NUP93: variants seen among roughly 807,000 people sequenced by gnomAD.
The protein encoded by NUP93 is nucleoporin 93.
In NUP93, 55 loss-of-function variants were observed where a neutral mutation model predicts 107.8. That is an observed-to-expected ratio of 0.51 (90% CI 0.41 to 0.64). NUP93 has a LOEUF of 0.64. Ranked by LOEUF, NUP93 falls within the 30% of genes least tolerant of loss-of-function variation. The pLI is 0.00. For missense variants in NUP93, 937 were observed against 1,044.7 expected (o/e 0.90, Z 1.42); for synonymous variants, 390 against 397.5 (o/e 0.98, Z 0.22).
intron 4 of NUP93, 43 bp from the exon 5 acceptor site, chr16:56,805,461 G>GT (rs746741546): frequency 6.9e-6 from 11 of 1,596,504 alleles, no homozygotes; most frequent in Non-Finnish European, 7.7e-6. Context: ...TGTTTTTTTT[G>GT]TTTTTTTCCT....
In NUP93 at chr16:56,833,517, A is replaced by T. The variant is rs1963845246; in HGVS notation, c.1537+111A>T. 4 of 821,386 alleles carry T rather than the reference A, an allele frequency of 4.9e-6. No homozygotes were observed. In the African/African-American group the frequency reaches 5.4e-5, roughly 11 times the overall value. The allele number at this position is 821,386 out of a possible 1,614,324, so 50.9% of individuals were successfully genotyped here. Reference sequence around the variant, plus strand: ...AGGATTTGAGCAAAGGGTACCAGTCATTTTAGAGCATGTGGACAGTTGAGC... The same window carrying T: ...AGGATTTGAGCAAAGGGTACCAGTCTTTTTAGAGCATGTGGACAGTTGAGC... On this transcript the variant is annotated intron_variant, in intron 13 of 21. Coordinates refer to ENST00000308159, the MANE Select transcript of NUP93 (RefSeq NM_014669.5).
chr16:56,785,057 T>C (rs185365349), intron 3 of NUP93, among the ~76,000 whole-genome samples: 15 of 152,340 alleles, frequency 9.8e-5, no homozygotes, highest in African/African-American at 3.4e-4. Flanking sequence ...GGGGACAGCA[T>C]TTAACATGTT....
At chr16:56,836,508 A>T in intron 16 of NUP93, 93 bp from the exon 17 acceptor site, 1 of 749,128 alleles carries the variant, frequency 1.3e-6, no homozygotes, top group Admixed American at 2.2e-5. Context: ...CACTTGAAGT[A>T]TTTTTTGGAT....
chr16:56,741,662 T>G (rs1420626371), intron 1 of NUP93: 2 of 152,236 alleles, frequency 1.3e-5, no homozygotes, highest in Non-Finnish European at 2.9e-5. Flanking sequence ...CATTGTCAGT[T>G]GTACATTTGG....
At chr16:56,792,359 A>C (rs1962785405) in intron 3 of NUP93, among the ~76,000 whole-genome samples, 1 of 152,232 alleles carries the variant, frequency 6.6e-6, no homozygotes, top group South Asian at 2.1e-4. Context: ...CAAACATAAA[A>C]TATCAGTTTA....
chr16:56,808,013 C>G (rs1963181755), intron 5 of NUP93, among the ~76,000 whole-genome samples: 1 of 146,002 alleles, frequency 6.8e-6, no homozygotes, highest in Non-Finnish European at 1.5e-5. Context: ...CAAAAGGCAA[C>G]TCCGTCTCAA....
intron 2 of NUP93, among the ~76,000 whole-genome samples, chr16:56,755,264 A>G (rs1245205600): frequency 6.6e-6 from 1 of 152,264 alleles, no homozygotes; most frequent in African/African-American, 2.4e-5. Flanking sequence ...ATGTCCATGC[A>G]GTGGAATACT....
intron 13 of NUP93, among the ~76,000 whole-genome samples, chr16:56,833,772 G>T (rs1394572091): frequency 1.3e-5 from 2 of 152,110 alleles, no homozygotes; most frequent in Non-Finnish European, 2.9e-5. Flanking sequence ...ACCTGCCTGG[G>T]ATGAGAGAGT....
intron 3 of NUP93, among the ~76,000 whole-genome samples, chr16:56,768,304 C>T (rs1252855750): frequency 6.6e-6 from 1 of 152,222 alleles, no homozygotes; most frequent in Non-Finnish European, 1.5e-5. Flanking sequence ...TGGCTCACGC[C>T]TGTAATCCCA....
At chr16:56,839,117 GA>G in intron 19 of NUP93, 48 bp downstream of exon 19, 3 of 1,300,484 alleles carry the variant, frequency 2.3e-6, no homozygotes, top group Non-Finnish European at 3.3e-6. Context: ...GTACACCCTC[GA>G]AAATTCAAAA....
chr16:56,747,592 G>A (rs1961841963), intron 1 of NUP93, among the ~76,000 whole-genome samples: 3 of 152,118 alleles, frequency 2.0e-5, no homozygotes, highest in Admixed American at 2.0e-4. Flanking sequence ...GTTAGTGAAG[G>A]AGCAGGTGTG....
chr16:56,738,225 C>G (rs191053549), intron 1 of NUP93, among the ~76,000 whole-genome samples: 136 of 152,348 alleles, frequency 8.9e-4, no homozygotes, highest in Admixed American at 1.6e-3. Flanking sequence ...AGAGGGCTGG[C>G]GTGGGATGGA....
chr16:56,829,303 C>T lies in NUP93; in HGVS notation c.927+194C>T, dbSNP rs76940876. Among the ~76,000 whole-genome samples the T allele has an allele frequency of 0.11, 16,616 of 152,148 alleles. 1,117 individuals are homozygous for T. Among genetic ancestry groups the T allele is most frequent in the Middle Eastern group, 0.24 (70 of 292 alleles). On this transcript the variant is annotated intron_variant, in intron 9 of 21. Transcript: ENST00000308159. ...GTCCAGGTGATGGTGGACTCAGCTCCGGGTGGAGAAGAGTGCATGGAGAAG... is the reference window on the plus strand; with the variant it reads ...GTCCAGGTGATGGTGGACTCAGCTCTGGGTGGAGAAGAGTGCATGGAGAAG...
chr16:56,777,042 G>A (rs541288572), intron 3 of NUP93, among the ~76,000 whole-genome samples: 4 of 151,732 alleles, frequency 2.6e-5, no homozygotes, highest in East Asian at 1.9e-4. Context: ...GTGCACGCAC[G>A]TGTGTGTGTG....
intron 3 of NUP93, among the ~76,000 whole-genome samples, chr16:56,764,133 T>C (rs1314773723): frequency 6.6e-6 from 1 of 152,228 alleles, no homozygotes; most frequent in African/African-American, 2.4e-5. Flanking sequence ...TAGAATATGC[T>C]CAAACCACTT....
chr16:56,783,867 T>G, intron 3 of NUP93: 1 of 985,446 alleles, frequency 1.0e-6, no homozygotes, highest in Non-Finnish European at 1.2e-6. Context: ...AATTCTTTTG[T>G]CTACAGTAAG....
Position 56,837,471 on chromosome 16 carries a change from G to A in NUP93, c.1900-137G>A, listed in dbSNP as rs147633228. ...CCAGCTGCTCAGGAGGCTGAGGCAC[G>A]AGAATTGCTTGAACTTGGGAGGCGG... is the stretch of plus-strand genomic sequence containing the variant. On this transcript the variant is annotated intron_variant, in intron 17 of 21. Coordinates refer to ENST00000308159, the MANE Select transcript of NUP93 (RefSeq NM_014669.5). 2.2e-3 allele frequency: 1,424 copies of A among 640,712 alleles called. 22 individuals are homozygous for A. In the African/African-American group the frequency reaches 0.023, roughly 10 times the overall value. The allele number at this position is 640,712 out of a possible 1,614,324, so 39.7% of individuals were successfully genotyped here.
In NUP93 at chr16:56,845,868, A is replaced by C. The variant is rs1207916381; in HGVS notation, c.*1259A>C. ...TCTTTTGGGAAGAAATAATCTGTAG[A>C]TAATGGAACCAACTGCTGCTTATCG... On this transcript the variant is annotated 3_prime_UTR_variant, in exon 22 of 22. Coordinates refer to ENST00000308159, the MANE Select transcript of NUP93 (RefSeq NM_014669.5). The C allele has an allele frequency of 6.6e-6, 1 of 152,226 alleles. No homozygotes were observed. Among genetic ancestry groups the C allele is most frequent in the South Asian group, 2.1e-4 (1 of 4,826 alleles). The allele number at this position is 152,226 out of a possible 1,614,324, so 9.4% of individuals were successfully genotyped here.
chr16:56,783,390 T>C, intron 3 of NUP93: 1 of 796,994 alleles, frequency 1.3e-6, no homozygotes, highest in African/African-American at 1.9e-5. Flanking sequence ...ATTCGGCTCC[T>C]CTTGGCATTG....
Sources: gnomAD v4.1 joint callset for allele counts (sites outside exome capture counted in the v4.1 genomes callset) on GRCh38, gnomAD v4.1.1 for gene constraint, MANE v1.5 for transcripts, NCBI Gene and HGNC (gene_info 2026-07-23, HGNC 2026-07-21) for gene names.